TRPM7: variants seen among roughly 807,000 people sequenced by gnomAD.
TRPM7 encodes transient receptor potential cation channel subfamily M member 7, also known as LTRPC ion channel family member 7.
Under a neutral mutation model 229.7 loss-of-function variants are expected in TRPM7, and 134 were observed. The observed-to-expected ratio is 0.58, with a 90% CI of 0.51 to 0.67. The LOEUF is 0.67. Among genes scored for constraint, TRPM7 ranks in the 30% least tolerant of loss-of-function variants. TRPM7 has a pLI of 0.00. For missense variants in TRPM7, 1,901 were observed against 2,210.0 expected (o/e 0.86, Z 2.80); for synonymous variants, 699 against 715.2 (o/e 0.98, Z 0.36).
At chr15:50,651,664 G>GAAAAA (rs2140858046) in intron 3 of TRPM7, among the ~76,000 whole-genome samples, 1 of 151,794 alleles carries the variant, frequency 6.6e-6, no homozygotes, top group Admixed American at 6.6e-5. Context: ...TTAAAGAAAA[G>GAAAAA]AAGACTGTGG....
chr15:50,630,947 C>T (rs2060712686), intron 10 of TRPM7, among the ~76,000 whole-genome samples: 3 of 152,064 alleles, frequency 2.0e-5, no homozygotes, highest in African/African-American at 7.2e-5. Context: ...GTGATTCCAC[C>T]TCAGCCTCCC....
intron 4 of TRPM7, among the ~76,000 whole-genome samples, chr15:50,645,453 A>G (rs1367553827): frequency 1.3e-5 from 2 of 151,984 alleles, no homozygotes; most frequent in South Asian, 2.1e-4. Flanking sequence ...CAGCCTCCTA[A>G]GCAGAGTAGC....
intron 10 of TRPM7, among the ~76,000 whole-genome samples, chr15:50,630,364 T>C (rs868539616): frequency 3.9e-5 from 6 of 152,142 alleles, no homozygotes; most frequent in Non-Finnish European, 4.4e-5. Flanking sequence ...AAGGACAGTA[T>C]CCTCTTAATG....
intron 3 of TRPM7, among the ~76,000 whole-genome samples, chr15:50,653,494 G>C (rs896870653): frequency 7.2e-5 from 11 of 151,844 alleles, no homozygotes; most frequent in Non-Finnish European, 1.6e-4. Context: ...ACATAAATGT[G>C]AACAAAATAT....
chr15:50,656,747 C>T (rs2061584369), intron 3 of TRPM7, among the ~76,000 whole-genome samples: 1 of 152,110 alleles, frequency 6.6e-6, no homozygotes, highest in South Asian at 2.1e-4. Context: ...CAGAGACCTT[C>T]TCTTCTTCCT....
chr15:50,670,965 G>C (rs1025540117), intron 1 of TRPM7, among the ~76,000 whole-genome samples: 1 of 152,062 alleles, frequency 6.6e-6, no homozygotes, highest in Non-Finnish European at 1.5e-5. Flanking sequence ...CTGGAGCTCA[G>C]GAATTTGAGA....
In TRPM7 at chr15:50,561,546, C is replaced by T; in HGVS notation, c.*132G>A. The stretch of plus-strand genomic sequence containing the variant: ...GGTCAAAAGAATATTGACCTTTTAA[C>T]TGTGCTGGAGTCAGCAAATTCAACT... On this transcript the variant is annotated 3_prime_UTR_variant, in exon 39 of 39. Coordinates refer to ENST00000646667, the MANE Select transcript of TRPM7 (RefSeq NM_017672.6). 1 of 948,532 alleles carries T rather than the reference C, an allele frequency of 1.1e-6. No individual in the cohort carries two copies. Among genetic ancestry groups the T allele is most frequent in the Non-Finnish European group, 1.6e-6 (1 of 642,260 alleles). The allele number at this position is 948,532 out of a possible 1,614,324, so 58.8% of individuals were successfully genotyped here.
intron 28 of TRPM7, among the ~76,000 whole-genome samples, chr15:50,583,710 G>A (rs1358263927): frequency 6.6e-6 from 1 of 151,798 alleles, no homozygotes; most frequent in East Asian, 1.9e-4. Context: ...CCTAGTAGCT[G>A]GCATTACAGG....
intron 13 of TRPM7, among the ~76,000 whole-genome samples, chr15:50,615,469 T>A (rs749984849): frequency 3.9e-5 from 6 of 152,314 alleles, no homozygotes; most frequent in Non-Finnish European, 5.9e-5. Flanking sequence ...ATTTGTGAGT[T>A]TGGAAAGATT....
In TRPM7 at chr15:50,619,784, A is replaced by C; in HGVS notation, c.1455T>G (p.Thr485=). 6.2e-7 allele frequency: 1 copy of C among 1,602,272 alleles called. No homozygotes were observed. Among genetic ancestry groups the C allele is most frequent in the East Asian group, 2.3e-5 (1 of 44,342 alleles). The part of the protein sequence containing the change: ...EELYNTKQGP[T]NPMLFHLVRD... ...GAACAAGATGAAACAGCATTGGATT[A>C]GTTGGACCTTGTTTCTTTAGGGAGA... Residue 485 remains threonine, a synonymous_variant, in exon 13 of 39, where the codon ACT becomes ACG. Transcript: ENST00000646667.
intron 1 of TRPM7, among the ~76,000 whole-genome samples, chr15:50,674,142 C>T (rs2062047064): frequency 6.6e-6 from 1 of 152,166 alleles, no homozygotes; most frequent in Non-Finnish European, 1.5e-5. Flanking sequence ...GTACCTGCCA[C>T]CACGCCCAGC....
At chr15:50,665,042 G>C (rs567400710) in intron 1 of TRPM7, among the ~76,000 whole-genome samples, 2 of 152,052 alleles carry the variant, frequency 1.3e-5, no homozygotes, top group African/African-American at 2.4e-5. Flanking sequence ...ATAAATATAC[G>C]CATGTTTCTG....
chr15:50,642,260 A>G (rs2061125255), intron 5 of TRPM7, among the ~76,000 whole-genome samples: 1 of 152,226 alleles, frequency 6.6e-6, no homozygotes. Context: ...TTTGCTCTAC[A>G]GTAGGGTCAA....
At position 50,628,209 on chromosome 15, in the gene TRPM7, C is replaced by T; in HGVS notation, c.1245G>A (p.Leu415=). 6.2e-7 allele frequency: 1 copy of T among 1,613,340 alleles called. No homozygotes were observed. The highest frequency in any genetic ancestry group is 8.5e-7 in the Non-Finnish European group (1 of 1,179,882). Residue 415 remains leucine (L), a synonymous_variant, in exon 11 of 39, where the codon TTG becomes TTA. Transcript: ENST00000646667. ...TGGCAATGTCAACTCTATCCCATGC[C>T]AATGTAAGGATAAGCTGGTCAAATG... is the stretch of plus-strand genomic sequence containing the variant. ...ASAFDQLILT[L]AWDRVDIAKN...
At chr15:50,685,445 A>AGTCTGGGC (rs2062335998) in intron 1 of TRPM7, among the ~76,000 whole-genome samples, 1 of 152,254 alleles carries the variant, frequency 6.6e-6, no homozygotes, top group South Asian at 2.1e-4. Flanking sequence ...CGACAGAGTG[A>AGTCTGGGC]GACCCTGTCT....
chr15:50,617,207 T>G (rs993568609), intron 13 of TRPM7, among the ~76,000 whole-genome samples: 1 of 151,608 alleles, frequency 6.6e-6, no homozygotes, highest in South Asian at 2.1e-4. Flanking sequence ...CATGGTGGTG[T>G]GCGCCTGTAG....
intron 1 of TRPM7, among the ~76,000 whole-genome samples, chr15:50,679,891 T>C (rs926649634): frequency 6.6e-6 from 1 of 152,002 alleles, no homozygotes; most frequent in Non-Finnish European, 1.5e-5. Context: ...TTTAATGACT[T>C]TTCTAATCTA....
At chr15:50,628,336 G>A (rs1181856179) in intron 10 of TRPM7, 87 bp from the exon 11 acceptor site, 8 of 858,226 alleles carry the variant, frequency 9.3e-6, no homozygotes, top group Non-Finnish European at 1.1e-5. Context: ...AAGAGATGGG[G>A]TCTTGGTCTG....
chr15:50,652,883 C>T (rs919734368), intron 3 of TRPM7, among the ~76,000 whole-genome samples: 1 of 152,060 alleles, frequency 6.6e-6, no homozygotes, highest in Non-Finnish European at 1.5e-5. Context: ...AAGACTAGGC[C>T]GGGCACACTG....
Sources: allele counts gnomAD v4.1 joint callset (sites outside exome capture counted in the v4.1 genomes callset), GRCh38; gene constraint gnomAD v4.1.1; transcripts MANE v1.5; gene names NCBI Gene and HGNC (gene_info 2026-07-23, HGNC 2026-07-21).